The following PTPRG variants were observed in gnomAD, a reference collection of about 807,000 sequenced individuals.
PTPRG encodes protein tyrosine phosphatase receptor type G, also known as receptor-type tyrosine-protein phosphatase gamma.
PTPRG carries 102 observed loss-of-function variants against 165.3 expected under a neutral mutation model. The observed-to-expected ratio is 0.62, with a 90% CI of 0.53 to 0.73. The LOEUF (loss-of-function observed/expected upper bound fraction) is 0.73, where lower values mean the gene tolerates loss of function less well. Among genes scored for constraint, PTPRG ranks in the 30% least tolerant of loss-of-function variants. PTPRG has a pLI of 0.00. For synonymous variants in PTPRG, 675 were observed against 669.5 expected (o/e 1.01, Z -0.13); for missense variants, 1,866 against 1,861.4 (o/e 1.00, Z -0.05).
chr3:61,640,391 T>C (rs1702029098), intron 1 of PTPRG, among the ~76,000 whole-genome samples: 1 of 152,078 alleles, frequency 6.6e-6, no homozygotes, highest in Non-Finnish European at 1.5e-5. Context: ...TTCTCTCCAG[T>C]GTATATGTGT....
chr3:61,591,468 C>T (rs2106822629), intron 1 of PTPRG, among the ~76,000 whole-genome samples: 1 of 152,266 alleles, frequency 6.6e-6, no homozygotes, highest in East Asian at 1.9e-4. Context: ...TGTCACTGGG[C>T]CTGCAATGGG....
At chr3:61,930,000 A>C (rs1288610390) in intron 2 of PTPRG, among the ~76,000 whole-genome samples, 3 of 151,684 alleles carry the variant, frequency 2.0e-5, no homozygotes, top group Non-Finnish European at 4.4e-5. Flanking sequence ...GGATACTAGG[A>C]TATTGACATA....
At position 62,294,773 on chromosome 3, in the gene PTPRG, C is replaced by G. The variant is rs1386981123; in HGVS notation, c.*1466C>G. 1 of 152,130 alleles carries G rather than the reference C, an allele frequency of 6.6e-6. No homozygotes were observed. Among genetic ancestry groups the G allele is most frequent in the African/African-American group, 2.4e-5 (1 of 41,434 alleles). 9.4% of individuals were successfully genotyped at this position (152,130 alleles called of 1,614,324 possible). The stretch of plus-strand genomic sequence containing the variant: ...GTCAAAAGTGAAATCATCACCAGAA[C>G]TGGGCCTGTTAGGAAGAATAGGGTT... On this transcript the variant is annotated 3_prime_UTR_variant, in exon 30 of 30. Coordinates refer to ENST00000474889, the MANE Select transcript of PTPRG (RefSeq NM_002841.4).
At chr3:62,262,386 A>AGG (rs2148858473) in intron 16 of PTPRG, 1 of 153,702 alleles carries the variant, frequency 6.5e-6, no homozygotes, top group African/African-American at 2.4e-5. Flanking sequence ...TCTTCCTTTA[A>AGG]GACTTAGGTA....
intron 20 of PTPRG, among the ~76,000 whole-genome samples, chr3:62,270,878 T>G (rs1702038614): frequency 1.3e-5 from 2 of 152,136 alleles, no homozygotes; most frequent in Non-Finnish European, 2.9e-5. Flanking sequence ...AATGAGACAT[T>G]GCCTCTGACT....
At chr3:62,034,962 C>A (rs1169039219) in intron 4 of PTPRG, among the ~76,000 whole-genome samples, 2 of 152,038 alleles carry the variant, frequency 1.3e-5, no homozygotes, top group African/African-American at 4.8e-5. Context: ...GAGGACTGCA[C>A]CGTATTGATT....
intron 2 of PTPRG, among the ~76,000 whole-genome samples, chr3:61,888,199 TTG>T (rs58409759): frequency 0.12 from 17,769 of 150,092 alleles, 1,598 homozygotes; most frequent in East Asian, 0.48. Context: ...TTTTAAATCT[TTG>T]TGTGTGTGTG....
At chr3:61,732,412 C>T (rs1247083816) in intron 1 of PTPRG, among the ~76,000 whole-genome samples, 5 of 152,022 alleles carry the variant, frequency 3.3e-5, no homozygotes, top group Non-Finnish European at 7.4e-5. Flanking sequence ...CCTGTCTCTA[C>T]TAAAAATACA....
At chr3:61,605,699 G>T (rs1326757534) in intron 1 of PTPRG, among the ~76,000 whole-genome samples, 1 of 152,026 alleles carries the variant, frequency 6.6e-6, no homozygotes, top group Non-Finnish European at 1.5e-5. Flanking sequence ...CTCCCAAGTA[G>T]CTGGGACTAC....
At chr3:61,670,236 A>C (rs1457315712) in intron 1 of PTPRG, among the ~76,000 whole-genome samples, 1 of 152,208 alleles carries the variant, frequency 6.6e-6, no homozygotes, top group Non-Finnish European at 1.5e-5. Flanking sequence ...TATGTTCAAA[A>C]ACTTGGGAAG....
At chr3:62,212,871 A>G (rs548678732) in intron 12 of PTPRG, among the ~76,000 whole-genome samples, 2 of 152,246 alleles carry the variant, frequency 1.3e-5, no homozygotes, top group South Asian at 2.1e-4. Context: ...AAAAATAACT[A>G]CTTGGAAGGG....
In PTPRG at chr3:61,657,472, A is replaced by G. The variant is rs567074557; in HGVS notation, c.86-91406A>G. The stretch of plus-strand genomic sequence containing the variant: ...ACATAGCAAGAGCCCCCGTCTCTAC[A>G]CAAAATAAAATAAAAAAATAAGCTG... On this transcript the variant is annotated intron_variant, in intron 1 of 29. Transcript: ENST00000474889. Among the ~76,000 whole-genome samples, 49 of 152,256 alleles carry G rather than the reference A, an allele frequency of 3.2e-4. No homozygotes were observed. In the South Asian group the frequency reaches 9.3e-3, roughly 29 times the overall value.
chr3:61,691,057 C>T (rs1279574112), intron 1 of PTPRG, among the ~76,000 whole-genome samples: 2 of 152,144 alleles, frequency 1.3e-5, no homozygotes, highest in African/African-American at 4.8e-5. Flanking sequence ...TAGGCACCCT[C>T]AAGTGTAAGT....
At chr3:62,166,921 C>G (rs1303450607) in intron 7 of PTPRG, among the ~76,000 whole-genome samples, 2 of 151,866 alleles carry the variant, frequency 1.3e-5, no homozygotes, top group Non-Finnish European at 2.9e-5. Flanking sequence ...TGGGTTCAAG[C>G]GATCTTCCAC....
At position 62,018,629 on chromosome 3, in the gene PTPRG, A is replaced by G. The variant is rs184572969; in HGVS notation, c.519+15132A>G. Reference sequence around the variant, plus strand: ...TCTAAGGAAAGAGCAAAATGTAAGCACTTGAACTACATTGAATACATTAAT... The same window carrying G: ...TCTAAGGAAAGAGCAAAATGTAAGCGCTTGAACTACATTGAATACATTAAT... On this transcript the variant is annotated intron_variant, in intron 4 of 29. Transcript: ENST00000474889. 2.6e-5 allele frequency among the ~76,000 whole-genome samples: 4 copies of G among 152,358 alleles called. No homozygotes were observed. The East Asian group carries it at 5.8e-4, about 22-fold the overall frequency.
At chr3:62,153,459 C>T (rs1240121004) in intron 6 of PTPRG, among the ~76,000 whole-genome samples, 1 of 152,184 alleles carries the variant, frequency 6.6e-6, no homozygotes, top group Non-Finnish European at 1.5e-5. Context: ...GAAGCCCATA[C>T]TGGAGCTTTG....
At chr3:61,753,427 T>C (rs1351185676) in intron 2 of PTPRG, among the ~76,000 whole-genome samples, 1 of 152,312 alleles carries the variant, frequency 6.6e-6, no homozygotes, top group East Asian at 1.9e-4. Context: ...TATTTCTGTC[T>C]TTCTTGAGGT....
intron 4 of PTPRG, among the ~76,000 whole-genome samples, chr3:62,037,683 C>T (rs1164520969): frequency 6.6e-6 from 1 of 152,194 alleles, no homozygotes; most frequent in East Asian, 1.9e-4. Context: ...ACTGCCATGA[C>T]AACATACTGT....
At chr3:61,599,531 C>T (rs1329746877) in intron 1 of PTPRG, among the ~76,000 whole-genome samples, 2 of 152,116 alleles carry the variant, frequency 1.3e-5, no homozygotes, top group African/African-American at 2.4e-5. Context: ...CTAGCTCTGT[C>T]GTCCAGGCTG....
Sources: allele counts gnomAD v4.1 joint callset (sites outside exome capture counted in the v4.1 genomes callset), GRCh38; gene constraint gnomAD v4.1.1; transcripts MANE v1.5; gene names NCBI Gene and HGNC (gene_info 2026-07-23, HGNC 2026-07-21).